The following ADAM12 variants were observed in gnomAD, a reference collection of about 807,000 sequenced individuals.
ADAM12 encodes the protein ADAM metallopeptidase domain 12.
In ADAM12, 70 loss-of-function variants were observed where a neutral mutation model predicts 106.4. The ratio of observed to expected loss-of-function variants is 0.66; its 90% CI spans 0.54 to 0.80. ADAM12 has a LOEUF of 0.80. ADAM12 is among the 30% of genes least tolerant of loss of function. The pLI, the probability that ADAM12 is intolerant of heterozygous loss-of-function variation, is 0.00. For missense variants in ADAM12, 1,010 were observed against 1,171.9 expected (o/e 0.86, Z 2.02); for synonymous variants, 420 against 433.5 (o/e 0.97, Z 0.39).
At chr10:126,165,450 C>A (rs1303537515) in intron 3 of ADAM12, among the ~76,000 whole-genome samples, 1 of 152,224 alleles carries the variant, frequency 6.6e-6, no homozygotes, top group East Asian at 1.9e-4. Context: ...AGCCACGGTG[C>A]CCAGCCGGGG....
At chr10:126,292,339 A>C (rs1252930157) in intron 2 of ADAM12, among the ~76,000 whole-genome samples, 1 of 151,962 alleles carries the variant, frequency 6.6e-6, no homozygotes, top group Non-Finnish European at 1.5e-5. Context: ...TCCAATGTTG[A>C]ATTAGTGGCT....
chr10:126,316,363 T>A (rs967591122), intron 2 of ADAM12, among the ~76,000 whole-genome samples: 1 of 152,202 alleles, frequency 6.6e-6, no homozygotes, highest in African/African-American at 2.4e-5. Flanking sequence ...TCGTAATTTC[T>A]TCCCCCTCAA....
rs901558356 is a variant in ADAM12, at chr10:126,283,807, T to C, written c.187-4819A>G. 4.8e-4 allele frequency among the ~76,000 whole-genome samples: 73 copies of C among 152,202 alleles called. 1 individual carries two copies. Among genetic ancestry groups the C allele is most frequent in the Non-Finnish European group, 8.4e-4 (57 of 68,026 alleles). On this transcript the variant is annotated intron_variant, in intron 2 of 22. Transcript: ENST00000448723. ...GTGTGTTCTCATGAACAGAATGCCTTAATTTTAATAAAATCCTTCATGGTT... is the reference window on the plus strand; with the variant it reads ...GTGTGTTCTCATGAACAGAATGCCTCAATTTTAATAAAATCCTTCATGGTT...
chr10:126,358,162 G>A (rs564845648), intron 1 of ADAM12, among the ~76,000 whole-genome samples: 27 of 138,822 alleles, frequency 1.9e-4, no homozygotes, highest in Admixed American at 7.6e-4. Flanking sequence ...CTGGGTGACC[G>A]TGAGACTCCG....
intron 3 of ADAM12, among the ~76,000 whole-genome samples, chr10:126,179,898 T>C (rs1957282922): frequency 6.6e-6 from 1 of 152,176 alleles, no homozygotes; most frequent in African/African-American, 2.4e-5. Flanking sequence ...GCTTCCTGGA[T>C]GTGGTGACCG....
chr10:126,036,643 G>A (rs967350156), intron 20 of ADAM12, among the ~76,000 whole-genome samples: 3 of 152,170 alleles, frequency 2.0e-5, no homozygotes, highest in Non-Finnish European at 4.4e-5. Context: ...GACACGGACC[G>A]AGATCTTAGG....
At chr10:126,241,068 A>T (rs1378035111) in intron 3 of ADAM12, among the ~76,000 whole-genome samples, 1 of 94,338 alleles carries the variant, frequency 1.1e-5, no homozygotes, top group East Asian at 3.2e-4. Flanking sequence ...ACATGCTACA[A>T]ACAACATGGA....
At chr10:126,093,906 A>T (rs1955509361) in intron 11 of ADAM12, 79 bp downstream of exon 11, 3 of 1,562,688 alleles carry the variant, frequency 1.9e-6, no homozygotes. Context: ...AAAACCAGAG[A>T]CACTTTGACT....
chr10:126,036,032 T>C (rs1350897983), intron 21 of ADAM12, 114 bp downstream of exon 21: 1 of 944,370 alleles, frequency 1.1e-6, no homozygotes, highest in African/African-American at 1.7e-5. Context: ...AGCTGAATTA[T>C]CTCCATTTTA....
rs1176031449 is a variant in ADAM12, at chr10:126,038,356, C to G, written c.2241-7G>C. ...CCGGGAAGGGCGCACACACCTGCAA[C>G]AGAATCCCATACCTGCTGACCAAGC... is the stretch of plus-strand genomic sequence containing the variant. On this transcript the variant is annotated splice_polypyrimidine_tract_variant and splice_region_variant and intron_variant, in intron 19 of 22. Transcript: ENST00000448723. 5 of 1,572,586 alleles carry G rather than the reference C, an allele frequency of 3.2e-6. No homozygotes were observed. Among genetic ancestry groups the G allele is most frequent in the Non-Finnish European group, 4.3e-6 (5 of 1,157,822 alleles).
chr10:126,339,152 C>T (rs529398784), intron 1 of ADAM12, among the ~76,000 whole-genome samples: 1 of 152,320 alleles, frequency 6.6e-6, no homozygotes, highest in South Asian at 2.1e-4. Flanking sequence ...TCTACCCTTA[C>T]TGTTCCCCAG....
chr10:126,157,840 C>A (rs371673643), intron 3 of ADAM12, among the ~76,000 whole-genome samples: 9 of 45,356 alleles, frequency 2.0e-4, no homozygotes, highest in Non-Finnish European at 4.7e-4. Context: ...CCCTGTCACG[C>A]AGTCATGAGC....
chr10:126,057,829 T>G (rs1032813750), intron 14 of ADAM12, among the ~76,000 whole-genome samples: 2 of 152,218 alleles, frequency 1.3e-5, no homozygotes, highest in Non-Finnish European at 2.9e-5. Context: ...ACAGGGTTAT[T>G]GTTTTGTTGA....
At chr10:126,329,755 TA>T in intron 2 of ADAM12, among the ~76,000 whole-genome samples, 1 of 152,332 alleles carries the variant, frequency 6.6e-6, no homozygotes, top group Middle Eastern at 3.4e-3. Context: ...AAAAATGATC[TA>T]AAAATAGTTC....
chr10:126,351,049 G>A (rs193074022), intron 1 of ADAM12, among the ~76,000 whole-genome samples: 1 of 152,300 alleles, frequency 6.6e-6, no homozygotes, highest in East Asian at 1.9e-4. Flanking sequence ...AAATGAAGCA[G>A]GGTGTGGAAA....
intron 2 of ADAM12, among the ~76,000 whole-genome samples, chr10:126,323,483 G>A (rs1854184900): frequency 6.6e-6 from 1 of 152,160 alleles, no homozygotes; most frequent in South Asian, 2.1e-4. Context: ...TTGCCAAAAG[G>A]AGGTAGGAAA....
chr10:126,279,199 G>A (rs1959433113), intron 2 of ADAM12, among the ~76,000 whole-genome samples: 2 of 152,126 alleles, frequency 1.3e-5, no homozygotes, highest in Admixed American at 6.6e-5. Context: ...GATTGCTTGA[G>A]TCCAGGAGTT....
chr10:126,020,609 A>G (rs1242486300), intron 21 of ADAM12, among the ~76,000 whole-genome samples: 2 of 152,204 alleles, frequency 1.3e-5, no homozygotes, highest in Admixed American at 6.5e-5. Flanking sequence ...ATTAAAGAAA[A>G]TAATGCATAG....
chr10:126,236,998 T>A (rs1279848574), intron 3 of ADAM12, among the ~76,000 whole-genome samples: 1 of 152,166 alleles, frequency 6.6e-6, no homozygotes, highest in Non-Finnish European at 1.5e-5. Context: ...CACCATGCAT[T>A]GCCCATTCTA....
Sources: gnomAD v4.1 joint callset for allele counts (sites outside exome capture counted in the v4.1 genomes callset) on GRCh38, gnomAD v4.1.1 for gene constraint, MANE v1.5 for transcripts, NCBI Gene and HGNC (gene_info 2026-07-23, HGNC 2026-07-21) for gene names.